Variants in TBC1D5 observed in about 807,000 individuals in gnomAD.
The protein encoded by TBC1D5 is TBC1 domain family, member 5.
In TBC1D5, 75 loss-of-function variants were observed where a neutral mutation model predicts 100.3. The ratio of observed to expected loss-of-function variants is 0.75; its 90% CI spans 0.62 to 0.91. The LOEUF is 0.91. Ranked by LOEUF, TBC1D5 falls within the 40% of genes least tolerant of loss-of-function variation. The pLI, the probability that TBC1D5 is intolerant of heterozygous loss-of-function variation, is 0.00. For missense variants in TBC1D5, 910 were observed against 942.4 expected (o/e 0.97, Z 0.45); for synonymous variants, 323 against 325.6 (o/e 0.99, Z 0.09).
chr3:17,639,195 C>T (rs547158510), intron 1 of TBC1D5, among the ~76,000 whole-genome samples: 11 of 151,980 alleles, frequency 7.2e-5, no homozygotes, highest in African/African-American at 7.2e-5. Flanking sequence ...CCAATAAAAA[C>T]GAAGAAATTA....
At position 17,467,376 on chromosome 3, in the gene TBC1D5, T is replaced by G. The variant is rs531578524; in HGVS notation, c.98-38857A>C. Among the ~76,000 whole-genome samples, 3 of 151,848 alleles carry G rather than the reference T, an allele frequency of 2.0e-5. No individual in the cohort carries two copies. The South Asian group carries it at 6.2e-4, about 32-fold the overall frequency. On this transcript the variant is annotated intron_variant, in intron 3 of 21. Transcript: ENST00000253692. Reference sequence around the variant, plus strand: ...ACATGTGCACAACGTGCAGGTTTGTTACATATGTTTCTTACCCATTTGCAA... The same window carrying G: ...ACATGTGCACAACGTGCAGGTTTGTGACATATGTTTCTTACCCATTTGCAA...
intron 1 of TBC1D5, among the ~76,000 whole-genome samples, chr3:17,701,534 C>T (rs1051275585): frequency 5.3e-5 from 8 of 151,940 alleles, no homozygotes; most frequent in Non-Finnish European, 7.4e-5. Context: ...ACTACAGAGG[C>T]GGAGTTGGGA....
chr3:17,449,188 A>C (rs2094867278), intron 3 of TBC1D5, among the ~76,000 whole-genome samples: 1 of 152,174 alleles, frequency 6.6e-6, no homozygotes, highest in Non-Finnish European at 1.5e-5. Flanking sequence ...GTGCCATGAG[A>C]GACGGTGTTA....
chr3:17,649,200 C>T (rs1297400675), intron 1 of TBC1D5, among the ~76,000 whole-genome samples: 2 of 152,122 alleles, frequency 1.3e-5, no homozygotes, highest in African/African-American at 4.8e-5. Context: ...GAGGTGGAGG[C>T]TATTATCCTT....
At chr3:17,251,218 A>C (rs2077139931) in intron 16 of TBC1D5, among the ~76,000 whole-genome samples, 1 of 152,176 alleles carries the variant, frequency 6.6e-6, no homozygotes, top group Middle Eastern at 3.4e-3. Flanking sequence ...TAAAAAAAAA[A>C]CCACTGTAGC....
intron 1 of TBC1D5, among the ~76,000 whole-genome samples, chr3:17,689,820 T>TG (rs2070858454): frequency 2.0e-5 from 3 of 152,114 alleles, no homozygotes; most frequent in African/African-American, 7.2e-5. Context: ...TGGTGAGTAG[T>TG]GGCCAGGGAT....
At position 17,421,349 on chromosome 3, in the gene TBC1D5, G is replaced by A. The variant is rs1292761370; in HGVS notation, c.167+7101C>T. Reference sequence around the variant, plus strand: ...AAGTGATCATTTAACTGTAAAGGTCGTGATGCTTCTTGAACAAATCTAAGA... The same window carrying A: ...AAGTGATCATTTAACTGTAAAGGTCATGATGCTTCTTGAACAAATCTAAGA... On this transcript the variant is annotated intron_variant, in intron 4 of 21. Coordinates refer to ENST00000253692, the Ensembl canonical transcript of TBC1D5. 5.3e-5 allele frequency among the ~76,000 whole-genome samples: 8 copies of A among 152,110 alleles called. No homozygotes were observed. In the South Asian group the frequency reaches 1.0e-3, roughly 20 times the overall value.
intron 14 of TBC1D5, among the ~76,000 whole-genome samples, chr3:17,304,682 A>G (rs2083216567): frequency 6.6e-6 from 1 of 152,198 alleles, no homozygotes; most frequent in Admixed American, 6.5e-5. Context: ...CTGGGATTAC[A>G]GTTTCGAGCC....
chr3:17,413,473 T>G (rs1441111828), intron 4 of TBC1D5, among the ~76,000 whole-genome samples: 1 of 152,180 alleles, frequency 6.6e-6, no homozygotes, highest in Non-Finnish European at 1.5e-5. Context: ...GAATATGTAG[T>G]GGATAAATAC....
chr3:17,543,914 C>A (rs1449627672), intron 2 of TBC1D5, among the ~76,000 whole-genome samples: 1 of 151,398 alleles, frequency 6.6e-6, no homozygotes, highest in Non-Finnish European at 1.5e-5. Context: ...TGTCTCCAGG[C>A]TGGAGTGCAG....
In TBC1D5 at chr3:17,631,245, C is replaced by T. The variant is rs1399506753; in HGVS notation, c.-100-7332G>A. ...AAACAGCCACAACATCCCCTTAAACCAAAGTCTAATCCAGAGAAAAGCCCT... is the reference window on the plus strand; with the variant it reads ...AAACAGCCACAACATCCCCTTAAACTAAAGTCTAATCCAGAGAAAAGCCCT... On this transcript the variant is annotated intron_variant, in intron 1 of 21. Transcript: ENST00000253692. Among the ~76,000 whole-genome samples the T allele has an allele frequency of 2.6e-5, 4 of 152,156 alleles. No individual in the cohort carries two copies. The East Asian group carries it at 7.7e-4, about 29-fold the overall frequency.
chr3:17,468,986 C>A (rs1312780264), intron 3 of TBC1D5, among the ~76,000 whole-genome samples: 1 of 152,064 alleles, frequency 6.6e-6, no homozygotes, highest in Non-Finnish European at 1.5e-5. Context: ...TGACTTTGAA[C>A]CTGGAGAAGG....
At chr3:17,488,717 C>T (rs1242586045) in intron 3 of TBC1D5, among the ~76,000 whole-genome samples, 1 of 151,992 alleles carries the variant, frequency 6.6e-6, no homozygotes. Context: ...ATTTGCAATT[C>T]CCTGATAACA....
At chr3:17,282,464 A>C (rs1316433006) in intron 15 of TBC1D5, among the ~76,000 whole-genome samples, 1 of 152,214 alleles carries the variant, frequency 6.6e-6, no homozygotes, top group Non-Finnish European at 1.5e-5. Flanking sequence ...TTCTTTGCTT[A>C]CTGGGAAAAG....
chr3:17,583,713 C>T (rs1216475039), intron 2 of TBC1D5, among the ~76,000 whole-genome samples: 1 of 151,964 alleles, frequency 6.6e-6, no homozygotes, highest in Non-Finnish European at 1.5e-5. Flanking sequence ...CGCAACAGAG[C>T]AAGACTGTCT....
intron 9 of TBC1D5, among the ~76,000 whole-genome samples, chr3:17,383,178 A>G (rs1303035113): frequency 6.6e-6 from 1 of 151,948 alleles, no homozygotes; most frequent in Non-Finnish European, 1.5e-5. Context: ...TTTCTATTAT[A>G]TTAAATTTAA....
chr3:17,430,442 T>G (rs1038159428), intron 3 of TBC1D5, among the ~76,000 whole-genome samples: 3 of 151,848 alleles, frequency 2.0e-5, no homozygotes, highest in Admixed American at 2.0e-4. Flanking sequence ...AAGGTTTTAT[T>G]TAATTTAAAA....
At position 17,670,546 on chromosome 3, in the gene TBC1D5, T is replaced by C. The variant is rs905579227; in HGVS notation, c.-100-46633A>G. Among the ~76,000 whole-genome samples the C allele has an allele frequency of 3.9e-5, 6 of 152,152 alleles. No homozygotes were observed. The South Asian group carries it at 1.0e-3, about 26-fold the overall frequency. On this transcript the variant is annotated intron_variant, in intron 1 of 21. Transcript: ENST00000253692. ...ATAGTAGTTATAAAATCTCAGCCTT[T>C]AAAAACAAAGAATGAAGAAAAAAGT...
intron 3 of TBC1D5, among the ~76,000 whole-genome samples, chr3:17,451,450 T>TA (rs2094925430): frequency 6.6e-6 from 1 of 152,134 alleles, no homozygotes; most frequent in Non-Finnish European, 1.5e-5. Context: ...CACAACGAGA[T>TA]ACCATCTCAT....
Sources: gnomAD v4.1 joint callset for allele counts (sites outside exome capture counted in the v4.1 genomes callset) on GRCh38, gnomAD v4.1.1 for gene constraint, MANE v1.5 for transcripts, NCBI Gene and HGNC (gene_info 2026-07-23, HGNC 2026-07-21) for gene names.